The following COG4 variants were observed in gnomAD, a reference collection of about 807,000 sequenced individuals.
COG4 encodes the protein component of oligomeric golgi complex 4.
Under a neutral mutation model 95.1 loss-of-function variants are expected in COG4, and 65 were observed. That is an observed-to-expected ratio of 0.68 (90% CI 0.56 to 0.84). COG4 has a LOEUF of 0.84. COG4 is among the 40% of genes least tolerant of loss of function. The pLI, the probability that COG4 is intolerant of heterozygous loss-of-function variation, is 0.00. For synonymous variants in COG4, 421 were observed against 374.8 expected, an observed-to-expected ratio of 1.12 and a Z score of -1.42; for missense variants, 1,045 against 989.1, an observed-to-expected ratio of 1.06 and a Z score of -0.76.
At chr16:70,515,670 G>A (rs2049806482) in intron 3 of COG4, among the ~76,000 whole-genome samples, 1 of 151,560 alleles carries the variant, frequency 6.6e-6, no homozygotes, top group Non-Finnish European at 1.5e-5. Context: ...GCAACAGAGT[G>A]AGACTCTGTC....
At chr16:70,486,944 G>A (rs1011467474) in intron 13 of COG4, among the ~76,000 whole-genome samples, 3 of 150,476 alleles carry the variant, frequency 2.0e-5, no homozygotes, top group African/African-American at 4.9e-5. Flanking sequence ...GCAGTAAGCC[G>A]AGACTGCGCC....
At chr16:70,482,465 C>T (rs924924607) in intron 15 of COG4, 9 of 604,240 alleles carry the variant, frequency 1.5e-5, no homozygotes, top group South Asian at 5.9e-5. Context: ...AGGAAAAAAA[C>T]GCTTCTAAGT....
At chr16:70,492,427 T>C (rs911320609) in intron 12 of COG4, among the ~76,000 whole-genome samples, 1 of 151,466 alleles carries the variant, frequency 6.6e-6, no homozygotes, top group African/African-American at 2.4e-5. Context: ...GGGAGGCCGA[T>C]GCGGGCAGAT....
At chr16:70,514,589 C>A (rs1396741232) in intron 3 of COG4, 80 bp from the exon 4 acceptor site, 2 of 1,232,450 alleles carry the variant, frequency 1.6e-6, no homozygotes, top group East Asian at 4.7e-5. Context: ...GATTCAGGAG[C>A]TGAATCTGAT....
intron 7 of COG4, chr16:70,508,858 G>A (rs1353651247): frequency 3.8e-6 from 2 of 531,808 alleles, no homozygotes; most frequent in East Asian, 9.7e-5. Flanking sequence ...AACATCTTAG[G>A]AATGAAGGGG....
At chr16:70,484,022 G>A in intron 13 of COG4, 53 bp from the exon 14 acceptor site, 1 of 1,321,290 alleles carries the variant, frequency 7.6e-7, no homozygotes, top group Non-Finnish European at 1.1e-6. Context: ...CCATGGGAGT[G>A]TGAGGAGCCA....
chr16:70,481,699 G>C, intron 17 of COG4, 65 bp downstream of exon 17: 2 of 1,442,378 alleles, frequency 1.4e-6, no homozygotes, highest in East Asian at 2.3e-5. Context: ...CCTGGGGGTG[G>C]TGGCATGACA....
At chr16:70,481,889 G>A (rs1401924121) in intron 16 of COG4, 24 bp from the exon 17 acceptor site, 1 of 1,598,512 alleles carries the variant, frequency 6.3e-7, no homozygotes, top group Admixed American at 1.7e-5. Context: ...GTTGACATCA[G>A]CCGAGCCCCA....
At chr16:70,499,090 C>T (rs768596225) in intron 9 of COG4, among the ~76,000 whole-genome samples, 26 of 152,080 alleles carry the variant, frequency 1.7e-4, no homozygotes, top group Admixed American at 4.6e-4. Flanking sequence ...GAAAATATTC[C>T]GTATCTGTTA....
At chr16:70,516,295 A>C (rs2049820915) in intron 3 of COG4, among the ~76,000 whole-genome samples, 1 of 148,968 alleles carries the variant, frequency 6.7e-6, no homozygotes, top group African/African-American at 2.6e-5. Flanking sequence ...GGTTTTGTTG[A>C]GTTAAATTTT....
intron 13 of COG4, among the ~76,000 whole-genome samples, chr16:70,487,215 G>A (rs1408458120): frequency 6.6e-6 from 1 of 151,392 alleles, no homozygotes; most frequent in Non-Finnish European, 1.5e-5. Context: ...CGCAGAGGTT[G>A]CAGTGAGCCA....
intron 13 of COG4, among the ~76,000 whole-genome samples, chr16:70,489,033 G>C (rs1313643628): frequency 1.3e-5 from 2 of 152,100 alleles, no homozygotes; most frequent in African/African-American, 4.8e-5. Context: ...CACACAGCTG[G>C]GCAGTGGTCA....
chr16:70,480,798 G>C lies in COG4; in HGVS notation c.*212C>G, dbSNP rs1035640253. ...ACCTCATTAGGAGCCCGCTTCTCTC[G>C]GTGGGGAGATGCTGCCCCCAGAGCA... On this transcript the variant is annotated 3_prime_UTR_variant, in exon 19 of 19. Transcript: ENST00000323786. 2 of 599,324 alleles carry C rather than the reference G, an allele frequency of 3.3e-6. No homozygotes were observed. The highest frequency in any genetic ancestry group is 1.9e-5 in the African/African-American group (1 of 53,830). The allele number at this position is 599,324 out of a possible 1,614,324, so 37.1% of individuals were successfully genotyped here. A position where few individuals can be genotyped will look rare whatever the true frequency, so the allele number is the denominator to read the frequency against.
Position 70,490,384 on chromosome 16 carries a change from CAG to C in COG4, c.1654_1655del (p.Leu552GlufsTer8), listed in dbSNP as rs1333878137. The C allele has an allele frequency of 3.1e-6, 5 of 1,613,614 alleles. No homozygotes were observed. The highest frequency in any genetic ancestry group is 1.3e-5 in the African/African-American group (1 of 74,918). On this transcript the variant is annotated frameshift_variant, in exon 13 of 19. Transcript: ENST00000323786. LOFTEE classifies it high-confidence loss of function. ...TTTCACTGCAGACTTCCACGTTGTT[CAG>C]AGTCACCTGGGAGATGAGGAAGGAA... ...DEAKMSFLVT[L>X]NNVEVCSENI... is the part of the protein sequence containing the mutation.
At chr16:70,507,753 T>C (rs1242985871) in intron 8 of COG4, among the ~76,000 whole-genome samples, 3 of 151,314 alleles carry the variant, frequency 2.0e-5, no homozygotes. Flanking sequence ...TTCCAGCTAC[T>C]TGGGAGGCTG....
chr16:70,523,174 G>C, intron 1 of COG4, 199 bp downstream of exon 1: 1 of 625,364 alleles, frequency 1.6e-6, no homozygotes, highest in South Asian at 1.8e-5. Flanking sequence ...CCAGGTATCA[G>C]GGAAGACAAG....
rs1217270266 is a variant in COG4, at chr16:70,512,229, G to C, written c.738+10C>G. 1.9e-6 allele frequency: 3 copies of C among 1,613,524 alleles called. No homozygotes were observed. Among genetic ancestry groups the C allele is most frequent in the African/African-American group, 2.7e-5 (2 of 74,900 alleles). ...ACACAATTATCCTGCCAAGCAATCA[G>C]GGTCCATACCTGCTTGCAAAGGTAC... is the stretch of plus-strand genomic sequence containing the variant. On this transcript the variant is annotated intron_variant, in intron 5 of 18. Transcript: ENST00000323786.
intron 13 of COG4, among the ~76,000 whole-genome samples, chr16:70,487,835 G>GT (rs978541978): frequency 6.0e-5 from 9 of 150,510 alleles, no homozygotes; most frequent in South Asian, 2.1e-4. Context: ...TTTTTTTTAT[G>GT]TTTTTTTGAG....
rs1367267568 is a variant in COG4 at position 70,497,225 on chromosome 16, AG to A, written c.1476del (p.Phe493SerfsTer25). ...GAGAAAGGGAGTCAACTGTACCTGA[AG>A]TCAGACTCCAGCTCTGTGGTGGCGA... ...INLATTELES[D>X]FRDVLCNKLR... is the part of the protein sequence containing the mutation. On this transcript the variant is annotated frameshift_variant, in exon 11 of 19. Coordinates refer to ENST00000323786, the MANE Select transcript of COG4 (RefSeq NM_015386.3). LOFTEE classifies it high-confidence loss of function. 6.2e-7 allele frequency: 1 copy of A among 1,614,026 alleles called. No individual in the cohort carries two copies. The highest frequency in any genetic ancestry group is 8.5e-7 in the Non-Finnish European group (1 of 1,179,986).
Sources: gnomAD v4.1 joint callset for allele counts (sites outside exome capture counted in the v4.1 genomes callset) on GRCh38, gnomAD v4.1.1 for gene constraint, MANE v1.5 for transcripts, NCBI Gene and HGNC (gene_info 2026-07-23, HGNC 2026-07-21) for gene names.